Variants in SUN3 observed in about 807,000 individuals in gnomAD.
SUN3 encodes Sad1 and UNC84 domain containing 3, also known as SUN domain-containing protein 3.
SUN3 carries 36 observed loss-of-function variants against 48.2 expected under a neutral mutation model. The observed-to-expected ratio is 0.75, with a 90% CI of 0.57 to 0.99. The LOEUF (loss-of-function observed/expected upper bound fraction) is 0.99. Among genes scored for constraint, SUN3 ranks in the 50% least tolerant of loss-of-function variants. The pLI is 0.00. For synonymous variants in SUN3, 148 were observed against 147.9 expected (o/e 1.00, Z 0.00); for missense variants, 419 against 433.1 (o/e 0.97, Z 0.29).
At chr7:47,996,946 C>T (rs1048458041) in intron 6 of SUN3, among the ~76,000 whole-genome samples, 5 of 151,824 alleles carry the variant, frequency 3.3e-5, no homozygotes, top group East Asian at 3.9e-4. Context: ...GGACTACAGG[C>T]GCCCGCCACC....
At chr7:48,027,893 G>T (rs1476309316) in intron 1 of SUN3, among the ~76,000 whole-genome samples, 1 of 152,142 alleles carries the variant, frequency 6.6e-6, no homozygotes, top group Non-Finnish European at 1.5e-5. Flanking sequence ...GGTCAGTTAT[G>T]GTCTACAAGA....
chr7:48,024,493 A>T (rs571342335), intron 2 of SUN3, among the ~76,000 whole-genome samples: 34 of 128,414 alleles, frequency 2.6e-4, no homozygotes, highest in Non-Finnish European at 4.3e-4. Context: ...GCTGTAATTT[A>T]AAAAAAAAGG....
intron 2 of SUN3, 145 bp downstream of exon 2, chr7:48,025,732 G>A (rs1454539393): frequency 2.2e-5 from 10 of 449,112 alleles, no homozygotes; most frequent in African/African-American, 4.1e-5. Flanking sequence ...AAAAACAAAC[G>A]AAAAAGCTTT....
chr7:48,018,329 G>A (rs148503954), intron 2 of SUN3, among the ~76,000 whole-genome samples: 82 of 152,318 alleles, frequency 5.4e-4, no homozygotes, highest in African/African-American at 1.8e-3. Flanking sequence ...TAACCACTGA[G>A]ATAGTGGAAT....
intron 5 of SUN3, 147 bp downstream of exon 5, chr7:48,007,018 A>T (rs982417137): frequency 1.4e-6 from 1 of 734,354 alleles, no homozygotes; most frequent in Non-Finnish European, 2.1e-6. Context: ...GTTTCTGTAC[A>T]CAAACCAAAT....
intron 2 of SUN3, among the ~76,000 whole-genome samples, chr7:48,021,726 T>C (rs1790002506): frequency 1.3e-5 from 2 of 152,294 alleles, no homozygotes; most frequent in Admixed American, 6.5e-5. Context: ...TGATATGTTA[T>C]CTCACCTAAG....
intron 4 of SUN3, 104 bp downstream of exon 4, chr7:48,008,931 T>G: frequency 9.6e-7 from 1 of 1,039,530 alleles, no homozygotes; most frequent in East Asian, 2.4e-5. Context: ...AAATTTTGAG[T>G]TATTTCAGGG....
chr7:47,992,605 A>G (rs1487130263), intron 8 of SUN3, among the ~76,000 whole-genome samples: 3 of 152,182 alleles, frequency 2.0e-5, no homozygotes, highest in African/African-American at 7.2e-5. Flanking sequence ...CTCAGGATGC[A>G]TGAGTGAAAT....
chr7:48,034,694 T>C, the SUN3 span, among the ~76,000 whole-genome samples: 1 of 152,226 alleles, frequency 6.6e-6, no homozygotes, highest in Non-Finnish European at 1.5e-5. Flanking sequence ...ATATGCCAGA[T>C]AGATAATCTT....
intron 8 of SUN3, among the ~76,000 whole-genome samples, chr7:47,989,732 C>G (rs1472562483): frequency 1.3e-5 from 2 of 152,126 alleles, no homozygotes; most frequent in African/African-American, 4.8e-5. Context: ...AAGAAGTAGG[C>G]ATAAGAGACT....
chr7:48,028,839 C>G lies in SUN3; in HGVS notation c.100G>C (p.Asp34His). The change falls in exon 1 of 10, where the codon GAC (aspartate) becomes CAC (histidine). Residue 34 changes from aspartate (D) to histidine (H), a missense_variant. Coordinates refer to ENST00000297325, the MANE Select transcript of SUN3 (RefSeq NM_001030019.2). ...SASGNALLSEDENPDANGVTR... is the reference protein window; with the variant it reads ...SASGNALLSEHENPDANGVTR... ...TACCCATTCGCATCAGGATTTTCGT[C>G]CTCTGATAACAAAGCATTGCCACTG... is the stretch of plus-strand genomic sequence containing the variant. The G allele has an allele frequency of 6.2e-7, 1 of 1,613,882 alleles. No individual in the cohort carries two copies. The highest frequency in any genetic ancestry group is 8.5e-7 in the Non-Finnish European group (1 of 1,179,824).
chr7:47,990,411 A>G (rs1388108108), intron 8 of SUN3, among the ~76,000 whole-genome samples: 3 of 151,800 alleles, frequency 2.0e-5, no homozygotes, highest in East Asian at 1.9e-4. Context: ...CTATTACCCT[A>G]TTGTCCTGCC....
intron 1 of SUN3, 71 bp downstream of exon 1, chr7:48,028,746 C>T: frequency 6.4e-7 from 1 of 1,569,596 alleles, no homozygotes; most frequent in African/African-American, 1.4e-5. Context: ...AACAGATGAA[C>T]AGACACAAGT....
At chr7:48,007,133 C>T (rs747742642) in intron 5 of SUN3, 32 bp downstream of exon 5, 2 of 1,586,006 alleles carry the variant, frequency 1.3e-6, no homozygotes, top group African/African-American at 1.3e-5. Flanking sequence ...CACCACCCCA[C>T]CCTGCCCAAC....
At chr7:47,999,081 T>C (rs1789289408) in intron 6 of SUN3, among the ~76,000 whole-genome samples, 1 of 152,236 alleles carries the variant, frequency 6.6e-6, no homozygotes. Context: ...ATAGAAAAGT[T>C]GGACAGTATT....
Position 48,006,042 on chromosome 7 carries a change from G to T in SUN3, c.504C>A (p.Asn168Lys). Residue 168 changes from asparagine (N) to lysine (K), a missense_variant, in exon 6 of 10, where the codon AAC (asparagine) becomes AAA (lysine). Transcript: ENST00000297325. ...EDPDHTEEVS[N>K]LVNYVLKKLR... is the part of the protein sequence containing the mutation. ...ACTTTTTAAGTACATAATTGACCAA[G>T]TTTGACACTTCCTGTAGAAATTTTA... 6.2e-7 allele frequency: 1 copy of T among 1,603,570 alleles called. No homozygotes were observed. The highest frequency in any genetic ancestry group is 8.5e-7 in the Non-Finnish European group (1 of 1,173,498).
At chr7:47,997,632 T>C (rs1269152765) in intron 6 of SUN3, among the ~76,000 whole-genome samples, 1 of 152,258 alleles carries the variant, frequency 6.6e-6, no homozygotes, top group African/African-American at 2.4e-5. Flanking sequence ...TTCAGGGTTT[T>C]GTATTATATT....
chr7:48,001,619 C>T (rs1461481691), intron 6 of SUN3, among the ~76,000 whole-genome samples: 3 of 149,030 alleles, frequency 2.0e-5, no homozygotes, highest in East Asian at 2.0e-4. Context: ...CTGCAAGCTC[C>T]GCCTCCCAGG....
upstream of SUN3, among the ~76,000 whole-genome samples, chr7:48,029,722 C>T (rs1790228482): frequency 6.6e-6 from 1 of 152,108 alleles, no homozygotes; most frequent in Non-Finnish European, 1.5e-5. Context: ...TAAACATACA[C>T]CTAGAAACAG....
Sources: gnomAD v4.1 joint callset for allele counts (sites outside exome capture counted in the v4.1 genomes callset) on GRCh38, gnomAD v4.1.1 for gene constraint, MANE v1.5 for transcripts, NCBI Gene and HGNC (gene_info 2026-07-23, HGNC 2026-07-21) for gene names.